ENPP1: variants seen among roughly 807,000 people sequenced by gnomAD.
The protein encoded by ENPP1 is ectonucleotide pyrophosphatase/phosphodiesterase family member 1.
A neutral mutation model predicts 122.8 loss-of-function variants in ENPP1; 73 were observed. That is an observed-to-expected ratio of 0.59 (90% CI 0.49 to 0.72). ENPP1 has a LOEUF of 0.72. Among genes scored for constraint, ENPP1 ranks in the 30% least tolerant of loss-of-function variants. The pLI is 0.00. For missense variants in ENPP1, 978 were observed against 1,128.1 expected (o/e 0.87, Z 1.91); for synonymous variants, 367 against 391.6 (o/e 0.94, Z 0.74).
At chr6:131,821,458 C>A (rs1024762624) in intron 1 of ENPP1, among the ~76,000 whole-genome samples, 2 of 152,212 alleles carry the variant, frequency 1.3e-5, no homozygotes, top group Non-Finnish European at 2.9e-5. Context: ...CCCTTTCCTT[C>A]CATGAACCTC....
intron 1 of ENPP1, among the ~76,000 whole-genome samples, chr6:131,818,891 T>C (rs1432792763): frequency 6.6e-6 from 1 of 152,202 alleles, no homozygotes; most frequent in African/African-American, 2.4e-5. Flanking sequence ...TTTAGACTTA[T>C]TTATTTGACA....
At chr6:131,880,186 A>G in intron 20 of ENPP1, 152 bp downstream of exon 20, 1 of 841,504 alleles carries the variant, frequency 1.2e-6, no homozygotes, top group Non-Finnish European at 2.0e-6. Context: ...ATTCAGTTCC[A>G]GTTCAAGCTC....
In ENPP1 at chr6:131,845,801, A is replaced by G. The variant is rs1781802868; in HGVS notation, c.241-1975A>G. ...TATAGTTGTGTCAGTTTACACCACCATCAGAAGTTTAGGAGAATCCATTAC... is the reference window on the plus strand; with the variant it reads ...TATAGTTGTGTCAGTTTACACCACCGTCAGAAGTTTAGGAGAATCCATTAC... On this transcript the variant is annotated intron_variant, in intron 1 of 24. Transcript: ENST00000647893. Among the ~76,000 whole-genome samples, 4 of 152,168 alleles carry G rather than the reference A, an allele frequency of 2.6e-5. No individual in the cohort carries two copies. The South Asian group carries it at 8.3e-4, about 32-fold the overall frequency.
chr6:131,868,489 G>A (rs1438306526), intron 12 of ENPP1, among the ~76,000 whole-genome samples: 1 of 152,150 alleles, frequency 6.6e-6, no homozygotes, highest in Non-Finnish European at 1.5e-5. Context: ...AGCCAGGCTG[G>A]AGTGCAGTAG....
chr6:131,837,172 TTGTGTGTGTGTGTGTGTG>T (rs67550562), intron 1 of ENPP1, among the ~76,000 whole-genome samples: 9 of 136,058 alleles, frequency 6.6e-5, no homozygotes, highest in African/African-American at 1.7e-4. Flanking sequence ...CCTGTTGTCA[TTGTGTGTGTGTGTGTGTG>T]TGTGTGTGTG....
chr6:131,864,491 T>A lies in ENPP1; in HGVS notation c.1026-15T>A, dbSNP rs775173837. Reference sequence around the variant, plus strand: ...TTGTCAGCCATCTTTTATTTTTGTTTGTTCTTCATTTTAGTTCAGTACCAT... The same window carrying A: ...TTGTCAGCCATCTTTTATTTTTGTTAGTTCTTCATTTTAGTTCAGTACCAT... On this transcript the variant is annotated splice_polypyrimidine_tract_variant and intron_variant, in intron 9 of 24. Coordinates refer to ENST00000647893, the MANE Select transcript of ENPP1 (RefSeq NM_006208.3). 15 of 1,567,422 alleles carry A rather than the reference T, an allele frequency of 9.6e-6. No homozygotes were observed. Among genetic ancestry groups the A allele is most frequent in the Non-Finnish European group, 1.3e-5 (15 of 1,138,212 alleles).
chr6:131,835,097 T>C (rs1052571022), intron 1 of ENPP1, among the ~76,000 whole-genome samples: 4 of 152,344 alleles, frequency 2.6e-5, no homozygotes, highest in Admixed American at 2.0e-4. Context: ...TATGAAACCA[T>C]TGAGAGTTAC....
chr6:131,831,802 A>G (rs970524235), intron 1 of ENPP1, among the ~76,000 whole-genome samples: 1 of 152,014 alleles, frequency 6.6e-6, no homozygotes, highest in African/African-American at 2.4e-5. Flanking sequence ...AGTCTTTTTC[A>G]GGTTTCTTTG....
intron 1 of ENPP1, among the ~76,000 whole-genome samples, chr6:131,839,734 T>C (rs1317607310): frequency 6.6e-6 from 1 of 152,208 alleles, no homozygotes; most frequent in Admixed American, 6.5e-5. Flanking sequence ...TGTTTTATCA[T>C]CTGTTCTTTA....
At chr6:131,851,326 T>A in intron 4 of ENPP1, 59 bp downstream of exon 4, 1 of 1,610,342 alleles carries the variant, frequency 6.2e-7, no homozygotes. Flanking sequence ...TAGCGGGGCT[T>A]TACATAGGTG....
intron 14 of ENPP1, among the ~76,000 whole-genome samples, 192 bp from the exon 15 acceptor site, chr6:131,872,730 TA>T (rs1782177610): frequency 6.6e-6 from 1 of 152,090 alleles, no homozygotes; most frequent in Non-Finnish European, 1.5e-5. Flanking sequence ...TCATCTGACT[TA>T]TTGGGCCAGC....
chr6:131,823,693 A>G (rs1781508813), intron 1 of ENPP1, among the ~76,000 whole-genome samples: 1 of 151,428 alleles, frequency 6.6e-6, no homozygotes, highest in African/African-American at 2.4e-5. Flanking sequence ...CTTTGGCCCC[A>G]TCTCCCTGTC....
intron 1 of ENPP1, among the ~76,000 whole-genome samples, chr6:131,847,227 A>G (rs1781821814): frequency 6.6e-6 from 1 of 152,246 alleles, no homozygotes; most frequent in Non-Finnish European, 1.5e-5. Flanking sequence ...GGATTGATAC[A>G]TAGGAAATCC....
chr6:131,850,186 G>C, intron 3 of ENPP1, 80 bp downstream of exon 3: 1 of 969,252 alleles, frequency 1.0e-6, no homozygotes, highest in Non-Finnish European at 1.7e-6. Context: ...TCAGGTATGT[G>C]ATTTACCTAA....
At chr6:131,852,655 A>G (rs1781896817) in intron 5 of ENPP1, among the ~76,000 whole-genome samples, 1 of 152,194 alleles carries the variant, frequency 6.6e-6, no homozygotes, top group South Asian at 2.1e-4. Flanking sequence ...GTTTATAGAA[A>G]AAAGAGAGGC....
At chr6:131,845,705 C>G (rs116062006) in intron 1 of ENPP1, among the ~76,000 whole-genome samples, 2,456 of 152,114 alleles carry the variant, frequency 0.016, 78 homozygotes, top group African/African-American at 0.053. Flanking sequence ...GTGATCCCCC[C>G]ACCTCAGCCT....
At chr6:131,886,877 A>C (rs1452007212) in intron 24 of ENPP1, among the ~76,000 whole-genome samples, 153 bp downstream of exon 24, 1 of 151,896 alleles carries the variant, frequency 6.6e-6, no homozygotes, top group East Asian at 1.9e-4. Context: ...TGATCTTTTA[A>C]GATGACATAT....
intron 1 of ENPP1, among the ~76,000 whole-genome samples, chr6:131,829,587 A>C (rs938166375): frequency 3.9e-5 from 6 of 152,212 alleles, no homozygotes. Flanking sequence ...GTCCAATTAG[A>C]AAAACAAAGC....
chr6:131,812,554 A>C (rs189100370), intron 1 of ENPP1, among the ~76,000 whole-genome samples: 5 of 152,344 alleles, frequency 3.3e-5, no homozygotes, highest in African/African-American at 1.2e-4. Flanking sequence ...AGGCCTTGAC[A>C]ATAGTGAAGA....
Sources: allele counts gnomAD v4.1 joint callset (sites outside exome capture counted in the v4.1 genomes callset), GRCh38; gene constraint gnomAD v4.1.1; transcripts MANE v1.5; gene names NCBI Gene and HGNC (gene_info 2026-07-23, HGNC 2026-07-21).